Variants in FHIT observed in about 807,000 individuals in gnomAD.
FHIT encodes fragile histidine triad diadenosine triphosphatase, also known as bis(5'-adenosyl)-triphosphatase.
FHIT carries 19 observed loss-of-function variants against 17.9 expected under a neutral mutation model. That is an observed-to-expected ratio of 1.06 (90% confidence interval 0.74 to 1.56). The LOEUF is 1.56. FHIT is among the 40% of genes most tolerant of loss of function. The pLI is 0.00. For missense variants in FHIT, 248 were observed against 189.2 expected (o/e 1.31, Z -1.82); for synonymous variants, 81 against 69.7 (o/e 1.16, Z -0.81).
At chr3:60,766,111 T>C (rs1469216740) in intron 4 of FHIT, among the ~76,000 whole-genome samples, 3 of 152,186 alleles carry the variant, frequency 2.0e-5, no homozygotes, top group Non-Finnish European at 4.4e-5. Context: ...GTGAGCCAAC[T>C]CTTCCTAATA....
chr3:60,972,360 A>ATTAC (rs556396283), intron 3 of FHIT, among the ~76,000 whole-genome samples: 98 of 152,092 alleles, frequency 6.4e-4, no homozygotes, highest in Non-Finnish European at 1.3e-3. Context: ...TGAATTGGCA[A>ATTAC]TTACTTTCTT....
At chr3:60,946,423 C>T (rs1708641954) in intron 3 of FHIT, among the ~76,000 whole-genome samples, 1 of 152,156 alleles carries the variant, frequency 6.6e-6, no homozygotes, top group South Asian at 2.1e-4. Flanking sequence ...AGTAGCACTC[C>T]TTACATTTGC....
intron 4 of FHIT, among the ~76,000 whole-genome samples, chr3:60,784,218 G>C (rs1350626318): frequency 1.3e-5 from 2 of 152,166 alleles, no homozygotes; most frequent in Non-Finnish European, 2.9e-5. Flanking sequence ...CCTGGTGAGA[G>C]TTACATCATT....
At chr3:60,093,619 C>T (rs748684533) in intron 5 of FHIT, among the ~76,000 whole-genome samples, 10 of 152,092 alleles carry the variant, frequency 6.6e-5, no homozygotes, top group East Asian at 1.9e-4. Context: ...AGGTGAGTGG[C>T]GGGTGAGCAA....
chr3:60,536,330 C>G (rs2035979165), intron 5 of FHIT: 1 of 152,058 alleles, frequency 6.6e-6, no homozygotes, highest in South Asian at 2.1e-4. Context: ...TATTTCAGGT[C>G]CTAATATTTT....
chr3:60,448,947 A>C (rs930058763), intron 5 of FHIT, among the ~76,000 whole-genome samples: 2 of 152,168 alleles, frequency 1.3e-5, no homozygotes, highest in African/African-American at 4.8e-5. Context: ...CATTCCAACC[A>C]GTGCTTTTCC....
intron 8 of FHIT, among the ~76,000 whole-genome samples, chr3:59,804,425 C>T (rs1700116616): frequency 1.3e-5 from 2 of 152,154 alleles, no homozygotes; most frequent in Admixed American, 6.5e-5. Flanking sequence ...TTCTTGGCAT[C>T]TTGAAGAACT....
intron 3 of FHIT, among the ~76,000 whole-genome samples, chr3:60,901,243 C>T (rs1367472558): frequency 6.6e-6 from 1 of 152,060 alleles, no homozygotes; most frequent in Non-Finnish European, 1.5e-5. Context: ...ATTTTTCTGG[C>T]ATTTATTTGA....
intron 3 of FHIT, among the ~76,000 whole-genome samples, chr3:60,875,611 G>A (rs1704612149): frequency 6.6e-6 from 1 of 152,116 alleles, no homozygotes; most frequent in African/African-American, 2.4e-5. Flanking sequence ...TTATTCGAGT[G>A]AAAACTTGAA....
intron 8 of FHIT, among the ~76,000 whole-genome samples, chr3:59,808,358 C>A (rs1459298719): frequency 6.6e-6 from 1 of 152,108 alleles, no homozygotes; most frequent in Non-Finnish European, 1.5e-5. Flanking sequence ...AAGAAGTGGG[C>A]TTGAAAGGCT....
chr3:59,971,235 T>C (rs377291530), intron 7 of FHIT, among the ~76,000 whole-genome samples: 21 of 152,260 alleles, frequency 1.4e-4, no homozygotes, highest in Admixed American at 3.9e-4. Context: ...TTTACAAGAT[T>C]AAAAACAAAT....
At chr3:60,573,527 T>C (rs782548504) in intron 4 of FHIT, among the ~76,000 whole-genome samples, 3 of 152,168 alleles carry the variant, frequency 2.0e-5, no homozygotes, top group Non-Finnish European at 4.4e-5. Context: ...TGTGGACTTC[T>C]GTCCCCTCAG....
intron 1 of FHIT, among the ~76,000 whole-genome samples, chr3:61,227,701 GATC>G (rs567246481): frequency 1.2e-3 from 177 of 152,236 alleles, no homozygotes; most frequent in African/African-American, 3.9e-3. Flanking sequence ...ATTGTTTTTG[GATC>G]ATTATTCATC....
At chr3:60,651,770 C>T (rs949802444) in intron 4 of FHIT, among the ~76,000 whole-genome samples, 3 of 152,092 alleles carry the variant, frequency 2.0e-5, no homozygotes, top group South Asian at 2.1e-4. Context: ...GATTAACAAA[C>T]GGTTGACATA....
intron 5 of FHIT, among the ~76,000 whole-genome samples, chr3:60,318,290 A>G (rs1709258724): frequency 2.6e-5 from 4 of 152,328 alleles, no homozygotes; most frequent in Middle Eastern, 3.4e-3. Flanking sequence ...AAGAACTAAC[A>G]AAAGGAAAGT....
chr3:60,516,348 T>C (rs1398005955), intron 5 of FHIT, among the ~76,000 whole-genome samples: 1 of 152,208 alleles, frequency 6.6e-6, no homozygotes. Context: ...AGAAGATAAT[T>C]GCATCCTTAT....
intron 7 of FHIT, among the ~76,000 whole-genome samples, chr3:59,974,782 AC>A (rs1708338459): frequency 6.6e-6 from 1 of 152,094 alleles, no homozygotes; most frequent in Admixed American, 6.6e-5. Context: ...TTGCAAAGCT[AC>A]CTAATATTCT....
Position 59,819,022 on chromosome 3 carries a change from G to T in FHIT, c.349-66701C>A, listed in dbSNP as rs554942873. Among the ~76,000 whole-genome samples the T allele has an allele frequency of 2.6e-5, 4 of 152,288 alleles. No homozygotes were observed. The East Asian group carries it at 7.7e-4, about 29-fold the overall frequency. On this transcript the variant is annotated intron_variant, in intron 8 of 9. Coordinates refer to ENST00000492590, the MANE Select transcript of FHIT (RefSeq NM_002012.4). ...AAGAAACATCCTGGAGAATTCTCCTGGTTATTTTTAAAATATTGTCTCTGT... is the reference window on the plus strand; with the variant it reads ...AAGAAACATCCTGGAGAATTCTCCTTGTTATTTTTAAAATATTGTCTCTGT...
intron 3 of FHIT, among the ~76,000 whole-genome samples, chr3:60,961,050 C>T (rs1709409961): frequency 6.6e-6 from 1 of 152,208 alleles, no homozygotes; most frequent in Non-Finnish European, 1.5e-5. Flanking sequence ...GTCCCACCAA[C>T]AGTGTAAAAG....
Sources: gnomAD v4.1 joint callset for allele counts (sites outside exome capture counted in the v4.1 genomes callset) on GRCh38, gnomAD v4.1.1 for gene constraint, MANE v1.5 for transcripts, NCBI Gene and HGNC (gene_info 2026-07-23, HGNC 2026-07-21) for gene names.